ERGIC1: variants seen among roughly 807,000 people sequenced by gnomAD.
ERGIC1 encodes the protein endoplasmic reticulum-Golgi intermediate compartment protein 1.
Under a neutral mutation model 38.3 loss-of-function variants are expected in ERGIC1, and 19 were observed. The ratio of observed to expected loss-of-function variants is 0.50; its 90% confidence interval spans 0.35 to 0.73. ERGIC1 has a LOEUF of 0.73. Ranked by LOEUF, ERGIC1 falls within the 30% of genes least tolerant of loss-of-function variation. ERGIC1 has a pLI of 0.01. For synonymous variants in ERGIC1, 124 were observed against 157.6 expected (o/e 0.79, Z 1.60); for missense variants, 294 against 389.2 (o/e 0.76, Z 2.06).
At chr5:172,945,756 C>T (rs1037814335) in intron 9 of ERGIC1, among the ~76,000 whole-genome samples, 43 of 152,174 alleles carry the variant, frequency 2.8e-4, no homozygotes, top group African/African-American at 9.7e-4. Flanking sequence ...TGAATCTCGA[C>T]TCACTGCAAC....
intron 1 of ERGIC1, among the ~76,000 whole-genome samples, chr5:172,855,433 T>C (rs1581514396): frequency 6.6e-6 from 1 of 152,192 alleles, no homozygotes; most frequent in East Asian, 1.9e-4. Flanking sequence ...GTCTGTTGCA[T>C]GTTTACTATG....
chr5:172,918,972 GCCT>G (rs1763444930), intron 5 of ERGIC1, among the ~76,000 whole-genome samples: 2 of 151,884 alleles, frequency 1.3e-5, no homozygotes, highest in South Asian at 2.1e-4. Flanking sequence ...TGCTGCCTGT[GCCT>G]CCTCCTTGAC....
intron 1 of ERGIC1, among the ~76,000 whole-genome samples, chr5:172,858,826 T>C (rs911209517): frequency 4.6e-5 from 7 of 152,202 alleles, no homozygotes; most frequent in African/African-American, 1.7e-4. Context: ...CCAAGGCCCC[T>C]GCCAGCCAGA....
chr5:172,859,491 A>G (rs913110299), intron 1 of ERGIC1, among the ~76,000 whole-genome samples: 4 of 151,930 alleles, frequency 2.6e-5, no homozygotes, highest in Admixed American at 2.0e-4. Context: ...AAGGGTGGGA[A>G]AAAAAAATGT....
intron 9 of ERGIC1, among the ~76,000 whole-genome samples, chr5:172,939,706 T>C (rs1763966928): frequency 6.6e-6 from 1 of 152,250 alleles, no homozygotes; most frequent in Non-Finnish European, 1.5e-5. Flanking sequence ...GTGGTTCTTC[T>C]GAAGGCCCTG....
chr5:172,843,842 C>T (rs1284125021), intron 1 of ERGIC1, among the ~76,000 whole-genome samples: 3 of 152,244 alleles, frequency 2.0e-5, no homozygotes, highest in Non-Finnish European at 4.4e-5. Flanking sequence ...CCTCTGCAAG[C>T]CTCAGTTTTC....
chr5:172,844,926 A>G (rs1269483499), intron 1 of ERGIC1, among the ~76,000 whole-genome samples: 1 of 152,150 alleles, frequency 6.6e-6, no homozygotes, highest in African/African-American at 2.4e-5. Context: ...TGCCCACAAT[A>G]GTCACTGCTT....
Position 172,904,260 on chromosome 5 carries a change from C to T in ERGIC1, c.156-5407C>T, listed in dbSNP as rs146717382. On this transcript the variant is annotated intron_variant, in intron 3 of 9. Coordinates refer to ENST00000393784, the MANE Select transcript of ERGIC1 (RefSeq NM_001031711.3). ...CCTGTGTTTACACACGTAACCATCA[C>T]TCTGATGAAGACATAATACATTCTG... Among the ~76,000 whole-genome samples the T allele has an allele frequency of 2.1e-3, 314 of 152,368 alleles. 1 individual carries two copies. Among genetic ancestry groups the T allele is most frequent in the Non-Finnish European group, 3.5e-3 (237 of 68,040 alleles).
chr5:172,841,062 C>T (rs1761147544), intron 1 of ERGIC1, among the ~76,000 whole-genome samples: 1 of 152,232 alleles, frequency 6.6e-6, no homozygotes, highest in East Asian at 1.9e-4. Context: ...TGCCATTTCT[C>T]AAAACACAGT....
intron 1 of ERGIC1, among the ~76,000 whole-genome samples, chr5:172,854,594 GGTGTGGGTGA>G (rs1248811402): frequency 2.6e-5 from 4 of 152,242 alleles, no homozygotes; most frequent in Admixed American, 2.6e-4. Context: ...GCATGGTCCC[GGTGTGGGTGA>G]GTGTGGGTGT....
intron 1 of ERGIC1, among the ~76,000 whole-genome samples, chr5:172,871,244 C>T (rs186416515): frequency 1.3e-5 from 2 of 152,186 alleles, no homozygotes; most frequent in African/African-American, 4.8e-5. Flanking sequence ...TTCAATTGCC[C>T]GAGACCTCTG....
chr5:172,950,044 G>T (rs1419053803), intron 9 of ERGIC1, among the ~76,000 whole-genome samples: 1 of 152,164 alleles, frequency 6.6e-6, no homozygotes, highest in African/African-American at 2.4e-5. Flanking sequence ...CTGCACTCCA[G>T]CCTGGAAGAC....
intron 1 of ERGIC1, among the ~76,000 whole-genome samples, chr5:172,862,056 A>C (rs985745369): frequency 1.3e-5 from 2 of 151,718 alleles, no homozygotes; most frequent in Admixed American, 1.3e-4. Flanking sequence ...CAATGGCATG[A>C]TCTCGGCTCG....
At position 172,924,194 on chromosome 5, in the gene ERGIC1, A is replaced by G. The variant is rs369931035; in HGVS notation, c.480+85A>G. On this transcript the variant is annotated intron_variant, in intron 6 of 9. Coordinates refer to ENST00000393784, the MANE Select transcript of ERGIC1 (RefSeq NM_001031711.3). ...CCAGTGCCCTCTGCCCTCTCTGGGC[A>G]CTAGGAAGAGTTACCGTTAAGGTGA... The G allele has an allele frequency of 3.9e-6, 5 of 1,298,244 alleles. No homozygotes were observed. The African/African-American group carries it at 7.3e-5, about 19-fold the overall frequency. 80.4% of individuals were successfully genotyped at this position (1,298,244 alleles called of 1,614,324 possible). A position where few individuals can be genotyped will look rare whatever the true frequency, so the allele number is the denominator to read the frequency against.
At chr5:172,900,208 G>A (rs1253901291) in intron 3 of ERGIC1, among the ~76,000 whole-genome samples, 3 of 152,128 alleles carry the variant, frequency 2.0e-5, no homozygotes, top group Non-Finnish European at 2.9e-5. Flanking sequence ...CAGAATGCCC[G>A]GGAGCATTGG....
chr5:172,925,018 G>A (rs1231920582), intron 6 of ERGIC1, among the ~76,000 whole-genome samples: 1 of 152,014 alleles, frequency 6.6e-6, no homozygotes, highest in East Asian at 1.9e-4. Context: ...CGGGCGAACT[G>A]CTTGAGGTCA....
chr5:172,884,714 T>C (rs1453125167), intron 1 of ERGIC1, among the ~76,000 whole-genome samples: 2 of 152,224 alleles, frequency 1.3e-5, no homozygotes, highest in Non-Finnish European at 2.9e-5. Flanking sequence ...GAATAGTGAT[T>C]AGAAGCCAAG....
At chr5:172,934,946 C>T (rs879446831) in intron 8 of ERGIC1, 2 of 539,966 alleles carry the variant, frequency 3.7e-6, no homozygotes, top group Non-Finnish European at 6.7e-6. Context: ...TCTGGTGCTG[C>T]TTGCAGCTCA....
At chr5:172,903,640 A>G (rs1463657130) in intron 3 of ERGIC1, among the ~76,000 whole-genome samples, 3 of 152,118 alleles carry the variant, frequency 2.0e-5, no homozygotes, top group Non-Finnish European at 4.4e-5. Flanking sequence ...AATGATAAAA[A>G]CCATGGACAT....
Sources: allele counts gnomAD v4.1 joint callset (sites outside exome capture counted in the v4.1 genomes callset), GRCh38; gene constraint gnomAD v4.1.1; transcripts MANE v1.5; gene names NCBI Gene and HGNC (gene_info 2026-07-23, HGNC 2026-07-21).